Variants in CYSLTR1 observed in about 807,000 individuals in gnomAD.
The protein encoded by CYSLTR1 is cysteinyl leukotriene receptor 1.
A neutral mutation model predicts 2.1 loss-of-function variants in CYSLTR1; 1 was observed. The ratio of observed to expected loss-of-function variants is 0.48; its 90% CI spans 0.17 to 2.28. The LOEUF is 2.28. Ranked by LOEUF, CYSLTR1 falls within the 30% of genes most tolerant of loss-of-function variation. CYSLTR1 has a pLI of 0.26. For missense variants in CYSLTR1, 299 were observed against 250.1 expected (o/e 1.20, Z -1.32); for synonymous variants, 110 against 89.6 (o/e 1.23, Z -1.28).
rs72629907 is a variant in CYSLTR1 at position 78,277,676 on chromosome X, G to A, written c.-27-3903C>T. ...GGAGTGGGCTGAATCTCGGACCCCT[G>A]AAAGTATCCAGAAACAAAGTCAATT... On this transcript the variant is annotated intron_variant, in intron 2 of 2. Transcript: ENST00000373304. 2.9e-4 allele frequency among the ~76,000 whole-genome samples: 32 copies of A among 111,593 alleles called. 1 individual carries two copies. In the East Asian group the frequency reaches 5.9e-3, roughly 21 times the overall value.
intron 1 of CYSLTR1, among the ~76,000 whole-genome samples, chrX:78,292,180 A>C (rs1183330797): frequency 8.9e-6 from 1 of 111,777 alleles, no homozygotes; most frequent in Non-Finnish European, 1.9e-5. Context: ...CTTTGTTTTC[A>C]TTGGTTTCAA....
At chrX:78,285,060 TA>T (rs1225699770) in intron 1 of CYSLTR1, among the ~76,000 whole-genome samples, 2 of 109,047 alleles carry the variant, frequency 1.8e-5, no homozygotes, top group Non-Finnish European at 3.8e-5. Flanking sequence ...GCAATAAACA[TA>T]TTTTTTTTAA....
At chrX:78,294,335 T>A (rs1378315607) in intron 1 of CYSLTR1, among the ~76,000 whole-genome samples, 2 of 112,438 alleles carry the variant, frequency 1.8e-5, no homozygotes, top group Non-Finnish European at 1.9e-5. Context: ...TGCTGCCTGA[T>A]CCTTCCTCTG....
At chrX:78,320,411 A>T (rs1156436253) in intron 1 of CYSLTR1, 4 of 111,384 alleles carry the variant, frequency 3.6e-5, no homozygotes, top group African/African-American at 1.3e-4. Flanking sequence ...GTGAAAGATC[A>T]GATAGTTGTA....
chrX:78,273,427 A>T lies in CYSLTR1; in HGVS notation c.320T>A (p.Leu107His). The T allele has an allele frequency of 7.4e-6, 9 of 1,211,521 alleles. No homozygotes were observed. The Middle Eastern group carries it at 9.2e-4, about 124-fold the overall frequency. ...TGTCATAAAGAAGATGCTACAATAG[A>T]GGTTGACATACAAAGCATAGGTGCT... ...RLSTYALYVN[L>H]YCSIFFMTAM... Residue 107 changes from leucine (L) to histidine (H), a missense_variant, in exon 3 of 3, where the codon CTC (leucine) becomes CAC (histidine). Transcript: ENST00000373304.
At chrX:78,277,984 A>C (rs1359763176) in intron 2 of CYSLTR1, among the ~76,000 whole-genome samples, 1 of 111,988 alleles carries the variant, frequency 8.9e-6, no homozygotes, top group African/African-American at 3.2e-5. Context: ...AGCTCATTGA[A>C]ATTCAGGAGC....
At chrX:78,285,409 G>A (rs1031361122) in intron 1 of CYSLTR1, among the ~76,000 whole-genome samples, 17 of 83,260 alleles carry the variant, frequency 2.0e-4, no homozygotes, top group African/African-American at 7.9e-4. Context: ...GCTACAGAGC[G>A]AGACTCCGTC....
intron 1 of CYSLTR1, among the ~76,000 whole-genome samples, chrX:78,317,999 CAG>C (rs1244892525): frequency 4.5e-5 from 5 of 110,161 alleles, no homozygotes; most frequent in Non-Finnish European, 9.6e-5. Flanking sequence ...GGCCTAGAGA[CAG>C]AAATACCATT....
At position 78,276,866 on chromosome X, in the gene CYSLTR1, T is replaced by C. The variant is rs146393253; in HGVS notation, c.-27-3093A>G. On this transcript the variant is annotated intron_variant, in intron 2 of 2. Transcript: ENST00000373304. The stretch of plus-strand genomic sequence containing the variant: ...GGCTGAAAGGGGAGGAAGCTGAGAA[T>C]GCTGCACAGGGGTACCAAGTACTAA... Among the ~76,000 whole-genome samples the C allele has an allele frequency of 5.4e-3, 603 of 110,760 alleles. 1 individual carries two copies. The highest frequency in any genetic ancestry group is 9.2e-3 in the Non-Finnish European group (487 of 52,919).
intron 1 of CYSLTR1, among the ~76,000 whole-genome samples, chrX:78,290,566 T>C (rs958509032): frequency 1.8e-5 from 2 of 112,079 alleles, no homozygotes; most frequent in Non-Finnish European, 3.8e-5. Context: ...ACTTTCACAA[T>C]ATTGATTCTT....
rs1157357457 is a variant in CYSLTR1 at position 78,271,774 on chromosome X, A to G, written c.*959T>C. 8.9e-6 allele frequency: 1 copy of G among 112,690 alleles called. No homozygotes were observed. The highest frequency in any genetic ancestry group is 3.2e-5 in the African/African-American group (1 of 31,047). The allele number at this position is 112,690 out of a possible 1,213,427, so 9.3% of individuals were successfully genotyped here. On this transcript the variant is annotated 3_prime_UTR_variant, in exon 3 of 3. Transcript: ENST00000373304. The stretch of plus-strand genomic sequence containing the variant: ...CTTACATATAGTTGTATACATATAC[A>G]TAAATGTATGCACTTCTTAAAAGAA...
At chrX:78,286,274 T>G (rs1922067854) in intron 1 of CYSLTR1, among the ~76,000 whole-genome samples, 1 of 110,741 alleles carries the variant, frequency 9.0e-6, no homozygotes, top group Admixed American at 9.6e-5. Context: ...GCAAGACCAC[T>G]CTACAAAAAA....
rs1297272017 is a variant in CYSLTR1, at chrX:78,273,328, GC to G, written c.418del (p.Ala140ProfsTer6). On this transcript the variant is annotated frameshift_variant, in exon 3 of 3. Transcript: ENST00000373304. LOFTEE classifies it low-confidence loss of function (END_TRUNC). ...QNINLVTQKK[A>X]RFVCVGIWIF... The stretch of plus-strand genomic sequence containing the variant: ...CCAAATACCTACACACACAAACCTG[GC>G]TTTTTTCTGTGTAACCAAATTAATG... 2 of 1,210,818 alleles carry G rather than the reference GC, an allele frequency of 1.7e-6. No homozygotes were observed. The highest frequency in any genetic ancestry group is 2.2e-6 in the Non-Finnish European group (2 of 895,235).
chrX:78,311,016 C>A (rs1408574427), intron 1 of CYSLTR1, among the ~76,000 whole-genome samples: 1 of 110,193 alleles, frequency 9.1e-6, no homozygotes, highest in Non-Finnish European at 1.9e-5. Context: ...TTGAGTTTAT[C>A]TTCTAGGGAA....
chrX:78,314,394 G>T (rs1453355374), intron 1 of CYSLTR1, among the ~76,000 whole-genome samples: 1 of 111,755 alleles, frequency 8.9e-6, no homozygotes, highest in Non-Finnish European at 1.9e-5. Context: ...TCCACCAATT[G>T]TCTTCCCTGC....
At chrX:78,303,423 T>TC (rs1922902908) in intron 1 of CYSLTR1, among the ~76,000 whole-genome samples, 1 of 109,538 alleles carries the variant, frequency 9.1e-6, no homozygotes, top group African/African-American at 3.3e-5. Context: ...AAAGGTTTTT[T>TC]TTTAATGTAG....
intron 2 of CYSLTR1, among the ~76,000 whole-genome samples, chrX:78,281,058 G>T (rs977342341): frequency 9.0e-6 from 1 of 111,584 alleles, no homozygotes; most frequent in African/African-American, 3.3e-5. Context: ...GCATGCACAC[G>T]TCTTTATGGT....
chrX:78,274,930 A>G (rs2149180743), intron 2 of CYSLTR1, among the ~76,000 whole-genome samples: 1 of 112,200 alleles, frequency 8.9e-6, no homozygotes, highest in African/African-American at 3.2e-5. Context: ...ATATGAACAG[A>G]CAGTTCTCAA....
chrX:78,320,860 T>A (rs1464988668), intron 1 of CYSLTR1: 2 of 111,569 alleles, frequency 1.8e-5, no homozygotes, highest in Non-Finnish European at 3.8e-5. Context: ...GGTATTTTAT[T>A]CTCTTTGAAG....
Sources: gnomAD v4.1 joint callset for allele counts (sites outside exome capture counted in the v4.1 genomes callset) on GRCh38, gnomAD v4.1.1 for gene constraint, MANE v1.5 for transcripts, NCBI Gene and HGNC (gene_info 2026-07-23, HGNC 2026-07-21) for gene names.